CNTNAP2: variants seen among roughly 807,000 people sequenced by gnomAD.
CNTNAP2 encodes contactin associated protein 2.
A neutral mutation model predicts 155.2 loss-of-function variants in CNTNAP2; 98 were observed. That is an observed-to-expected ratio of 0.63 (90% CI 0.54 to 0.75). The LOEUF is 0.75. Among genes scored for constraint, CNTNAP2 ranks in the 30% least tolerant of loss-of-function variants. The pLI is 0.00. For missense variants in CNTNAP2, 1,727 were observed against 1,688.1 expected, an observed-to-expected ratio of 1.02 and a Z score of -0.40; for synonymous variants, 651 against 631.2, an observed-to-expected ratio of 1.03 and a Z score of -0.47.
At chr7:147,036,565 C>A (rs964340847) in intron 3 of CNTNAP2, among the ~76,000 whole-genome samples, 3 of 152,068 alleles carry the variant, frequency 2.0e-5, no homozygotes, top group Non-Finnish European at 2.9e-5. Flanking sequence ...TAATAATAAA[C>A]CCTATTCTAA....
At chr7:147,779,140 T>C (rs1797629939) in intron 13 of CNTNAP2, among the ~76,000 whole-genome samples, 1 of 152,182 alleles carries the variant, frequency 6.6e-6, no homozygotes, top group African/African-American at 2.4e-5. Flanking sequence ...TAATAGTGAA[T>C]AAAAAATTCA....
At chr7:147,477,561 T>C (rs1584758513) in intron 10 of CNTNAP2, among the ~76,000 whole-genome samples, 2 of 152,342 alleles carry the variant, frequency 1.3e-5, no homozygotes, top group East Asian at 1.9e-4. Flanking sequence ...ATTTTAAATA[T>C]GTAGTTATCA....
chr7:146,801,012 C>T (rs1802867145), intron 2 of CNTNAP2, among the ~76,000 whole-genome samples: 2 of 152,016 alleles, frequency 1.3e-5, no homozygotes, highest in African/African-American at 4.8e-5. Flanking sequence ...GTCTGTTTTG[C>T]ATTGTTATAA....
chr7:148,356,474 G>C (rs761862760), intron 21 of CNTNAP2, among the ~76,000 whole-genome samples: 1 of 152,180 alleles, frequency 6.6e-6, no homozygotes, highest in Non-Finnish European at 1.5e-5. Context: ...GAAAGCCGTG[G>C]CTCCTGCTCC....
chr7:146,477,803 G>T (rs1377420482), intron 1 of CNTNAP2, among the ~76,000 whole-genome samples: 2 of 152,094 alleles, frequency 1.3e-5, no homozygotes, highest in African/African-American at 4.8e-5. Flanking sequence ...TTAAAAGGAA[G>T]ACAATAATAC....
chr7:147,975,071 T>C (rs1192969846), intron 14 of CNTNAP2, among the ~76,000 whole-genome samples: 1 of 151,430 alleles, frequency 6.6e-6, no homozygotes, highest in Non-Finnish European at 1.5e-5. Context: ...TTTTTTGTAT[T>C]ATGTATAATA....
intron 15 of CNTNAP2, among the ~76,000 whole-genome samples, chr7:148,084,237 C>A (rs1803673009): frequency 6.6e-6 from 1 of 152,228 alleles, no homozygotes. Flanking sequence ...TTGTTTCCTG[C>A]TGCCACCTGG....
At chr7:146,934,240 A>G (rs1012122186) in intron 3 of CNTNAP2, among the ~76,000 whole-genome samples, 2 of 151,998 alleles carry the variant, frequency 1.3e-5, no homozygotes, top group African/African-American at 4.8e-5. Flanking sequence ...GCACATATAC[A>G]CCATGGAATA....
chr7:147,174,771 A>C (rs1453319390), intron 8 of CNTNAP2, among the ~76,000 whole-genome samples: 1 of 152,164 alleles, frequency 6.6e-6, no homozygotes, highest in Non-Finnish European at 1.5e-5. Flanking sequence ...ATGATAATTA[A>C]TATTGTATTT....
chr7:148,087,963 G>T (rs1444455624), intron 15 of CNTNAP2, among the ~76,000 whole-genome samples: 1 of 152,066 alleles, frequency 6.6e-6, no homozygotes, highest in Non-Finnish European at 1.5e-5. Context: ...TATTGAAAAT[G>T]AAAACTTTTA....
At chr7:146,602,414 T>C (rs750015895) in intron 1 of CNTNAP2, among the ~76,000 whole-genome samples, 13 of 152,202 alleles carry the variant, frequency 8.5e-5, no homozygotes, top group Non-Finnish European at 1.3e-4. Flanking sequence ...AGATAAGAGA[T>C]AGAAAGACAG....
At chr7:147,008,587 A>G (rs1458690012) in intron 3 of CNTNAP2, among the ~76,000 whole-genome samples, 1 of 152,156 alleles carries the variant, frequency 6.6e-6, no homozygotes, top group Non-Finnish European at 1.5e-5. Flanking sequence ...TAAGACATAC[A>G]TTGTGCATAC....
chr7:147,784,833 G>T (rs951267334), intron 13 of CNTNAP2, among the ~76,000 whole-genome samples: 1 of 151,722 alleles, frequency 6.6e-6, no homozygotes, highest in African/African-American at 2.4e-5. Flanking sequence ...CAGTGGTGGT[G>T]GTGGTTGTTG....
At chr7:147,796,348 G>A (rs1260702391) in intron 13 of CNTNAP2, among the ~76,000 whole-genome samples, 2 of 152,146 alleles carry the variant, frequency 1.3e-5, no homozygotes, top group African/African-American at 2.4e-5. Context: ...AAACACAGTG[G>A]CACCTTTAAT....
intron 1 of CNTNAP2, among the ~76,000 whole-genome samples, chr7:146,332,741 A>G (rs1202832976): frequency 6.6e-6 from 1 of 152,162 alleles, no homozygotes; most frequent in East Asian, 1.9e-4. Context: ...AACAGTAAAT[A>G]TTATTTAACA....
At chr7:148,205,191 G>A (rs1271016991) in intron 18 of CNTNAP2, among the ~76,000 whole-genome samples, 47 of 152,234 alleles carry the variant, frequency 3.1e-4, no homozygotes, top group Admixed American at 3.1e-3. Context: ...AGCTGAGCAC[G>A]TGAGAAAATA....
intron 3 of CNTNAP2, among the ~76,000 whole-genome samples, chr7:146,968,205 G>T (rs1257159781): frequency 2.6e-5 from 4 of 151,602 alleles, no homozygotes; most frequent in Non-Finnish European, 4.4e-5. Flanking sequence ...TGCTGGATTC[G>T]GTTTGCCAGT....
chr7:147,344,828 A>G (rs753188910), intron 9 of CNTNAP2, among the ~76,000 whole-genome samples: 8 of 152,142 alleles, frequency 5.3e-5, no homozygotes, highest in Non-Finnish European at 8.8e-5. Context: ...AATATTTCAC[A>G]TATCATCTGA....
At chr7:146,875,726 T>C (rs773439409) in intron 3 of CNTNAP2, among the ~76,000 whole-genome samples, 10 of 151,606 alleles carry the variant, frequency 6.6e-5, no homozygotes, top group Non-Finnish European at 1.2e-4. Flanking sequence ...CCAGGTCCTT[T>C]ATGACCTAAT....
Sources: allele counts gnomAD v4.1 joint callset (sites outside exome capture counted in the v4.1 genomes callset), GRCh38; gene constraint gnomAD v4.1.1; transcripts MANE v1.5; gene names NCBI Gene and HGNC (gene_info 2026-07-23, HGNC 2026-07-21).